EVL: variants seen among roughly 807,000 people sequenced by gnomAD.
The protein encoded by EVL is ena/VASP-like protein.
In EVL, 21 loss-of-function variants were observed where a neutral mutation model predicts 59.6. That is an observed-to-expected ratio of 0.35 (90% CI 0.25 to 0.51). The LOEUF is 0.51. Ranked by LOEUF, EVL falls within the 20% of genes least tolerant of loss-of-function variation. The probability of loss-of-function intolerance (pLI) is 0.97; values close to 1 mark genes in which losing one functional copy is unlikely to be tolerated. For missense variants in EVL, 462 were observed against 546.6 expected, an observed-to-expected ratio of 0.85 and a Z score of 1.54; for synonymous variants, 198 against 203.5, an observed-to-expected ratio of 0.97 and a Z score of 0.23.
intron 3 of EVL, among the ~76,000 whole-genome samples, chr14:100,119,795 G>A (rs1209916404): frequency 3.9e-5 from 6 of 152,208 alleles, no homozygotes; most frequent in Admixed American, 3.9e-4. Context: ...ACAGCAGCTT[G>A]CCTAGGGGTG....
intron 1 of EVL, among the ~76,000 whole-genome samples, chr14:100,000,093 C>G (rs1432588007): frequency 6.6e-6 from 1 of 152,150 alleles, no homozygotes; most frequent in Non-Finnish European, 1.5e-5. Flanking sequence ...TGAGATAGGT[C>G]TCAGTTAATT....
rs1886845327 is a variant in EVL, at chr14:100,109,878, C to T, written c.358+12220C>T. 1 of 381,196 alleles carries T rather than the reference C, an allele frequency of 2.6e-6. No homozygotes were observed. The highest frequency in any genetic ancestry group is 3.0e-5 in the Admixed American group (1 of 32,878). 23.6% of individuals were successfully genotyped at this position (381,196 alleles called of 1,614,324 possible). ...TCGGACGTGAACTCGGATCTGGTTCCAGTACCAGCTGTGCCAGGAGTGTGC... is the reference window on the plus strand; with the variant it reads ...TCGGACGTGAACTCGGATCTGGTTCTAGTACCAGCTGTGCCAGGAGTGTGC... On this transcript the variant is annotated intron_variant, in intron 3 of 13. Transcript: ENST00000392920. The surrounding 1 kb of genome is among the most constrained non-coding windows in gnomAD (Gnocchi z 4.3).
chr14:100,103,188 GTTT>G (rs57176151), intron 3 of EVL, among the ~76,000 whole-genome samples: 1 of 134,594 alleles, frequency 7.4e-6, no homozygotes, highest in Non-Finnish European at 1.7e-5. Flanking sequence ...TTCCCAGAGA[GTTT>G]TTTTTTTTTT....
At chr14:100,117,645 G>A (rs532576588) in intron 3 of EVL, among the ~76,000 whole-genome samples, 11 of 152,266 alleles carry the variant, frequency 7.2e-5, no homozygotes, top group Admixed American at 2.6e-4. Context: ...CTAGGACGAG[G>A]GAGGCTAAAC....
At chr14:100,126,827 C>T in intron 5 of EVL, 56 bp downstream of exon 5, 2 of 1,575,430 alleles carry the variant, frequency 1.3e-6, no homozygotes. Flanking sequence ...GTGGCAGCCC[C>T]TCCACGTAGA....
Position 100,135,927 on chromosome 14 carries a change from C to T in EVL, c.923C>T (p.Ser308Phe). Reference sequence around the variant, plus strand: ...TAGGAAGATCCTAGTACCTCCCCCTCTCCGGGGACCCGAGCAGCCAGCCAG... The same window carrying T: ...TAGGAAGATCCTAGTACCTCCCCCTTTCCGGGGACCCGAGCAGCCAGCCAG... ...SQMEDPSTSP[S>F]PGTRAASQPP... The change falls in exon 9 of 14, where the codon TCT (serine) becomes TTT (phenylalanine). Residue 308 changes from serine to phenylalanine, a missense_variant. Physicochemically the swap from Ser to Phe is radical, Grantham distance 155. Transcript: ENST00000392920. The T allele has an allele frequency of 2.5e-6, 4 of 1,613,982 alleles. No individual in the cohort carries two copies. The highest frequency in any genetic ancestry group is 3.4e-6 in the Non-Finnish European group (4 of 1,180,022).
intron 1 of EVL, among the ~76,000 whole-genome samples, chr14:100,039,849 G>A (rs182743191): frequency 5.9e-5 from 9 of 152,184 alleles, no homozygotes; most frequent in Admixed American, 2.0e-4. Flanking sequence ...GCAGTGACGC[G>A]ATCATGGGTG....
intron 1 of EVL, among the ~76,000 whole-genome samples, chr14:100,071,082 C>T (rs2062039681): frequency 6.6e-6 from 1 of 152,036 alleles, no homozygotes; most frequent in Non-Finnish European, 1.5e-5. Flanking sequence ...GTAATGGAGA[C>T]CAGCTGTCCA....
At chr14:100,038,778 G>GTGTGTGTGTGTGTGTGTGTGTT (rs2061425882) in intron 1 of EVL, among the ~76,000 whole-genome samples, 2 of 150,600 alleles carry the variant, frequency 1.3e-5, no homozygotes, top group African/African-American at 2.4e-5. Context: ...TGGGGTGTGT[G>GTGTGTGTGTGTGTGTGTGTGTT]TGTGTGTGTG....
At chr14:100,137,909 C>T in intron 11 of EVL, 107 bp downstream of exon 11, 2 of 1,149,734 alleles carry the variant, frequency 1.7e-6, no homozygotes, top group Non-Finnish European at 2.6e-6. Flanking sequence ...TGGCATTTAA[C>T]AACTTGCTCT....
upstream of EVL, among the ~76,000 whole-genome samples, chr14:100,061,403 C>CAAAAAAAAAAAAA (rs56656380): frequency 6.3e-4 from 12 of 19,096 alleles, no homozygotes; most frequent in African/African-American, 1.8e-3. Flanking sequence ...GACCCTGTCT[C>CAAAAAAAAAAAAA]AAAAAAAAAA....
At position 100,143,839 on chromosome 14, in the gene EVL, G is replaced by A. The variant is rs764390996; in HGVS notation, c.*101G>A. 29 of 1,436,748 alleles carry A rather than the reference G, an allele frequency of 2.0e-5. No individual in the cohort carries two copies. The highest frequency in any genetic ancestry group is 2.7e-5 in the Non-Finnish European group (28 of 1,045,720). 89.0% of individuals were successfully genotyped at this position (1,436,748 alleles called of 1,614,324 possible). On this transcript the variant is annotated 3_prime_UTR_variant, in exon 14 of 14. Coordinates refer to ENST00000392920, the MANE Select transcript of EVL (RefSeq NM_016337.3). ...ACTCCAGTGCACCAGAGCACGCACA[G>A]GAGCCTGGGCGCGCTGCTGTGAAAC...
intron 12 of EVL, 29 bp downstream of exon 12, chr14:100,141,275 G>A (rs1377883560): frequency 6.2e-7 from 1 of 1,611,572 alleles, no homozygotes; most frequent in Non-Finnish European, 8.5e-7. Context: ...CTTCCCTCAA[G>A]AGGCTGAGGG....
chr14:99,991,893 A>G (rs2060877473), intron 1 of EVL, among the ~76,000 whole-genome samples: 1 of 151,634 alleles, frequency 6.6e-6, no homozygotes, highest in South Asian at 2.1e-4. Context: ...TTATACATAA[A>G]TATTCAGCTG....
At chr14:100,012,020 G>T (rs890615486) in intron 1 of EVL, among the ~76,000 whole-genome samples, 5 of 152,126 alleles carry the variant, frequency 3.3e-5, no homozygotes, top group Non-Finnish European at 7.4e-5. Context: ...AAAGTGTTTT[G>T]CCAAAGGACA....
chr14:99,997,975 G>T (rs1566965263), intron 1 of EVL, among the ~76,000 whole-genome samples: 1 of 152,016 alleles, frequency 6.6e-6, no homozygotes, highest in South Asian at 2.1e-4. Flanking sequence ...CAATTCATTT[G>T]TTCCTTCATT....
intron 3 of EVL, among the ~76,000 whole-genome samples, chr14:100,116,000 G>A (rs779344169): frequency 6.6e-6 from 1 of 152,242 alleles, no homozygotes; most frequent in Admixed American, 6.5e-5. Context: ...GGAGACATTT[G>A]TCGTGGGCTC....
chr14:99,991,579 C>T (rs1361828948), intron 1 of EVL, among the ~76,000 whole-genome samples: 1 of 152,144 alleles, frequency 6.6e-6, no homozygotes, highest in African/African-American at 2.4e-5. Context: ...GGAAATAACA[C>T]TGCTAAAAAC....
chr14:100,070,981 A>G (rs1441646829), intron 1 of EVL, among the ~76,000 whole-genome samples: 1 of 152,204 alleles, frequency 6.6e-6, no homozygotes, highest in Non-Finnish European at 1.5e-5. Flanking sequence ...AGAGTATGGG[A>G]GATGCATATG....
Sources: gnomAD v4.1 joint callset for allele counts (sites outside exome capture counted in the v4.1 genomes callset) on GRCh38, gnomAD v4.1.1 for gene constraint, Gnocchi (gnomAD v3.1) non-coding constraint, MANE v1.5 for transcripts, NCBI Gene and HGNC (gene_info 2026-07-23, HGNC 2026-07-21) for gene names.